The following BLTP1 variants were observed in gnomAD, a reference collection of about 807,000 sequenced individuals.
The protein encoded by BLTP1 is bridge-like lipid transfer protein family member 1.
the BLTP1 span, chr4:122,281,423 A>T: frequency 7.3e-7 from 1 of 1,364,848 alleles, no homozygotes; most frequent in Non-Finnish European, 9.4e-7. Flanking sequence ...TGGAAAGAAA[A>T]CATCTATTCA....
the BLTP1 span, among the ~76,000 whole-genome samples, chr4:122,179,216 A>G: frequency 1.3e-5 from 2 of 152,156 alleles, no homozygotes; most frequent in South Asian, 2.1e-4. Context: ...ACAGTAAGCT[A>G]TGATTACACC....
chr4:122,299,974 GAC>G, the BLTP1 span: 2 of 962,382 alleles, frequency 2.1e-6, no homozygotes, highest in Non-Finnish European at 2.5e-6. Flanking sequence ...AATCTACAAA[GAC>G]ACATATAGTT....
chr4:122,186,715 C>T, the BLTP1 span, among the ~76,000 whole-genome samples: 1 of 151,918 alleles, frequency 6.6e-6, no homozygotes, highest in Non-Finnish European at 1.5e-5. Context: ...TGTAGGTCTA[C>T]CTACAAAATT....
chr4:122,224,604 G>A, the BLTP1 span: 1 of 1,614,112 alleles, frequency 6.2e-7, no homozygotes, highest in Admixed American at 1.7e-5. Flanking sequence ...CCTTTGGGAA[G>A]CGATTCCTTA....
the BLTP1 span, among the ~76,000 whole-genome samples, chr4:122,294,489 C>G: frequency 6.6e-6 from 1 of 152,330 alleles, no homozygotes; most frequent in African/African-American, 2.4e-5. Context: ...ACACTAGAGT[C>G]TGGAGGGGAC....
At chr4:122,331,286 C>G in the BLTP1 span, 2 of 1,560,336 alleles carry the variant, frequency 1.3e-6, no homozygotes, top group Non-Finnish European at 1.7e-6. Context: ...AAAGAACTCT[C>G]ATTTTACTAC....
the BLTP1 span, chr4:122,167,679 G>A: frequency 2.0e-6 from 2 of 985,300 alleles, no homozygotes; most frequent in East Asian, 1.1e-4. Context: ...ACACCCTTAG[G>A]TGCTGCCACT....
chr4:122,174,069 A>G, the BLTP1 span: 3 of 302,464 alleles, frequency 9.9e-6, no homozygotes, highest in South Asian at 1.3e-4. Context: ...TTAGGAAGCT[A>G]TGTGCTTTGA....
At chr4:122,183,360 A>T in the BLTP1 span, 1 of 968,372 alleles carries the variant, frequency 1.0e-6, no homozygotes, top group Non-Finnish European at 1.2e-6. Context: ...AAGCTTAAAC[A>T]ATTTAAGATT....
the BLTP1 span, chr4:122,170,500 C>A: frequency 7.6e-7 from 1 of 1,313,886 alleles, no homozygotes; most frequent in Non-Finnish European, 9.9e-7. Context: ...TTGAAGGAAA[C>A]AGAAAGGTGA....
the BLTP1 span, among the ~76,000 whole-genome samples, chr4:122,334,990 T>C: frequency 6.6e-6 from 1 of 152,012 alleles, no homozygotes; most frequent in African/African-American, 2.4e-5. Flanking sequence ...TAGGCACAGT[T>C]TGGCTCAGTG....
the BLTP1 span, chr4:122,271,456 CAAT>C: frequency 6.2e-7 from 1 of 1,613,590 alleles, no homozygotes; most frequent in Non-Finnish European, 8.5e-7. Flanking sequence ...AACGGACCAA[CAAT>C]GAGAATAACA....
the BLTP1 span, chr4:122,231,737 A>G: frequency 7.2e-6 from 7 of 976,406 alleles, no homozygotes; most frequent in Non-Finnish European, 8.5e-6. Flanking sequence ...GTGCATGTGT[A>G]TATTATTCTA....
the BLTP1 span, among the ~76,000 whole-genome samples, chr4:122,196,215 C>T: frequency 6.6e-6 from 1 of 152,134 alleles, no homozygotes; most frequent in Non-Finnish European, 1.5e-5. Flanking sequence ...CCATTTAAAC[C>T]TCTGAGCCTT....
chr4:122,168,865 T>C, the BLTP1 span, among the ~76,000 whole-genome samples: 1 of 152,228 alleles, frequency 6.6e-6, no homozygotes, highest in African/African-American at 2.4e-5. Flanking sequence ...TTTGCCTCTG[T>C]AAATTATAAG....
At chr4:122,207,149 T>C in the BLTP1 span, 1 of 1,608,520 alleles carries the variant, frequency 6.2e-7, no homozygotes, top group Non-Finnish European at 8.5e-7. Flanking sequence ...CCTCCAGACA[T>C]TTTTTCATTT....
chr4:122,247,587 A>T, the BLTP1 span: 1 of 1,167,924 alleles, frequency 8.6e-7, no homozygotes, highest in Non-Finnish European at 1.1e-6. Context: ...TATGGCCCCA[A>T]ATTAGGAACT....
At chr4:122,240,203 T>G in the BLTP1 span, 1 of 1,614,156 alleles carries the variant, frequency 6.2e-7, no homozygotes, top group Non-Finnish European at 8.5e-7. Flanking sequence ...AGACTTACCT[T>G]ACTCAGTTCC....
the BLTP1 span, among the ~76,000 whole-genome samples, chr4:122,303,009 T>C: frequency 6.6e-6 from 1 of 152,156 alleles, no homozygotes; most frequent in African/African-American, 2.4e-5. Context: ...TTGATGAAGG[T>C]GGTTACGCTA....
Sources: gnomAD v4.1 joint callset for allele counts (sites outside exome capture counted in the v4.1 genomes callset) on GRCh38, gnomAD v4.1.1 for gene constraint, MANE v1.5 for transcripts, NCBI Gene and HGNC (gene_info 2026-07-23, HGNC 2026-07-21) for gene names.